Variants in DMD observed in about 807,000 individuals in gnomAD.
DMD encodes dystrophin.
In DMD, 63 loss-of-function variants were observed where a neutral mutation model predicts 330.1. The ratio of observed to expected loss-of-function variants is 0.19; its 90% CI spans 0.16 to 0.24. DMD has a LOEUF of 0.24. DMD is among the 10% of genes least tolerant of loss of function. The probability of loss-of-function intolerance (pLI) is 1.00; values close to 1 mark genes in which losing one functional copy is unlikely to be tolerated. For missense variants in DMD, 3,344 were observed against 2,684.1 expected (o/e 1.25, Z -5.43); for synonymous variants, 1,223 against 959.8 (o/e 1.27, Z -5.07).
intron 2 of DMD, among the ~76,000 whole-genome samples, chrX:32,875,949 A>T (rs1467707624): frequency 3.6e-5 from 4 of 111,308 alleles, no homozygotes; most frequent in Non-Finnish European, 7.5e-5. Context: ...CTTAAACTCC[A>T]TATTGATTAC....
intron 2 of DMD, among the ~76,000 whole-genome samples, chrX:32,878,103 C>A (rs543497179): frequency 8.9e-6 from 1 of 112,275 alleles, no homozygotes. Flanking sequence ...GGGCCGGGCG[C>A]GGTGGCTCAC....
chrX:33,234,420 T>C (rs778733015), intron 1 of DMD, among the ~76,000 whole-genome samples: 8 of 110,549 alleles, frequency 7.2e-5, no homozygotes, highest in Admixed American at 5.8e-4. Context: ...TGTGACACCT[T>C]GGAGAAGAAA....
At chrX:31,828,061 A>G (rs1461470451) in intron 49 of DMD, among the ~76,000 whole-genome samples, 1 of 112,043 alleles carries the variant, frequency 8.9e-6, no homozygotes, top group African/African-American at 3.2e-5. Context: ...GAAATAACAA[A>G]GATCAAAGCA....
At chrX:31,337,628 C>T (rs1035985951) in intron 61 of DMD, among the ~76,000 whole-genome samples, 1 of 112,007 alleles carries the variant, frequency 8.9e-6, no homozygotes, top group Non-Finnish European at 1.9e-5. Flanking sequence ...CAAAATGCTA[C>T]CCCAGGCCAA....
At chrX:33,146,075 C>T (rs182344241) in intron 1 of DMD, among the ~76,000 whole-genome samples, 8,169 of 109,547 alleles carry the variant, frequency 0.075, 314 homozygotes, top group South Asian at 0.21. Flanking sequence ...TATATATTTT[C>T]AGTAGAGACG....
chrX:31,723,271 C>T (rs2085720004), intron 52 of DMD, among the ~76,000 whole-genome samples: 1 of 88,682 alleles, frequency 1.1e-5, no homozygotes, highest in Non-Finnish European at 2.1e-5. Flanking sequence ...CCAAAAGTAA[C>T]ATCACTCCTG....
intron 2 of DMD, among the ~76,000 whole-genome samples, chrX:32,891,873 C>A (rs2085237859): frequency 9.0e-6 from 1 of 111,447 alleles, no homozygotes; most frequent in Non-Finnish European, 1.9e-5. Flanking sequence ...TCATTCTTCC[C>A]CAGCCTAATC....
rs748886274 is a variant in DMD at position 33,035,337 on chromosome X, G to A, written c.32-15137C>T. Among the ~76,000 whole-genome samples, 29 of 111,650 alleles carry A rather than the reference G, an allele frequency of 2.6e-4. No individual in the cohort carries two copies. The South Asian group carries it at 4.5e-3, about 17-fold the overall frequency. ...AATTATATACACTGCAGCTATGCCA[G>A]AGAAAGCCAGGGCTCCTTATCTGGC... On this transcript the variant is annotated intron_variant, in intron 1 of 78. Coordinates refer to ENST00000357033, the MANE Select transcript of DMD (RefSeq NM_004006.3).
At chrX:32,669,330 T>A (rs1011151057) in intron 9 of DMD, among the ~76,000 whole-genome samples, 5 of 111,655 alleles carry the variant, frequency 4.5e-5, no homozygotes, top group Non-Finnish European at 7.5e-5. Flanking sequence ...CCTCAATTCA[T>A]TTGCAGCACT....
rs192174545 is a variant in DMD, at chrX:32,852,394, A to G, written c.94-2574T>C. Among the ~76,000 whole-genome samples, 17 of 111,940 alleles carry G rather than the reference A, an allele frequency of 1.5e-4. No homozygotes were observed. In the East Asian group the frequency reaches 4.8e-3, roughly 32 times the overall value. On this transcript the variant is annotated intron_variant, in intron 2 of 78. Transcript: ENST00000357033. ...TCCTGAATAAGCAGCAGTAGTAGCCAGGCAGTATTCACCAAGTCTTGGGTA... is the reference window on the plus strand; with the variant it reads ...TCCTGAATAAGCAGCAGTAGTAGCCGGGCAGTATTCACCAAGTCTTGGGTA...
At position 31,209,622 on chromosome X, in the gene DMD, T is replaced by C. The variant is rs1602729172; in HGVS notation, c.9439A>G (p.Ile3147Val). ...NLKQNDQPMD[I>V]LQIINCLTTI... is the part of the protein sequence containing the mutation. The stretch of plus-strand genomic sequence containing the variant: ...GTCAAACAATTAATAATCTGCAGGA[T>C]ATCCATGGGCTGGTCATTTTGCTTG... The change falls in exon 65 of 79, where the codon ATC (isoleucine) becomes GTC (valine). Residue 3147 changes from isoleucine (I) to valine (V), a missense_variant. Physicochemically the swap from Ile to Val is conservative, Grantham distance 29 (BLOSUM62 3). Coordinates refer to ENST00000357033, the MANE Select transcript of DMD (RefSeq NM_004006.3). 2 of 1,211,700 alleles carry C rather than the reference T, an allele frequency of 1.7e-6. No individual in the cohort carries two copies. The highest frequency in any genetic ancestry group is 1.1e-6 in the Non-Finnish European group (1 of 895,433).
intron 51 of DMD, among the ~76,000 whole-genome samples, chrX:31,752,590 A>C (rs1206100106): frequency 9.0e-6 from 1 of 111,194 alleles, no homozygotes; most frequent in Admixed American, 9.6e-5. Context: ...ACATTAAAAA[A>C]ATAATAATAA....
At chrX:31,674,497 A>C (rs1380689227) in intron 53 of DMD, among the ~76,000 whole-genome samples, 1 of 112,250 alleles carries the variant, frequency 8.9e-6, no homozygotes, top group Admixed American at 9.4e-5. Flanking sequence ...TTATATAGCC[A>C]AATCAGCCAG....
intron 7 of DMD, among the ~76,000 whole-genome samples, chrX:32,785,995 TACA>T (rs923463976): frequency 2.5e-4 from 27 of 110,177 alleles, no homozygotes; most frequent in African/African-American, 8.6e-4. Flanking sequence ...GATTAACAAC[TACA>T]ACAATATCAT....
intron 1 of DMD, among the ~76,000 whole-genome samples, chrX:33,291,611 AATACTT>A (rs1161780090): frequency 2.7e-5 from 3 of 111,444 alleles, no homozygotes; most frequent in Non-Finnish European, 5.7e-5. Context: ...TAAAAAGAGA[AATACTT>A]ATAATTTTAT....
At chrX:33,303,240 T>G (rs1569559717) in intron 1 of DMD, among the ~76,000 whole-genome samples, 1 of 111,894 alleles carries the variant, frequency 8.9e-6, no homozygotes, top group East Asian at 2.8e-4. Flanking sequence ...CAGGGTTTTG[T>G]GTGGACATAA....
intron 61 of DMD, among the ~76,000 whole-genome samples, chrX:31,335,367 A>C (rs1042421126): frequency 4.4e-5 from 5 of 112,495 alleles, no homozygotes; most frequent in African/African-American, 1.6e-4. Flanking sequence ...TATTCATTCA[A>C]TCAAGGCATA....
intron 50 of DMD, among the ~76,000 whole-genome samples, chrX:31,784,492 A>G (rs189404534): frequency 3.9e-4 from 44 of 112,109 alleles, no homozygotes; most frequent in Admixed American, 1.4e-3. Context: ...TCAAAAAATA[A>G]AAATAGAATT....
chrX:31,404,753 G>C (rs774883321), intron 60 of DMD, among the ~76,000 whole-genome samples: 1 of 112,024 alleles, frequency 8.9e-6, no homozygotes, highest in African/African-American at 3.2e-5. Context: ...AGGAGGAAAG[G>C]AGGTATGGAT....
Sources: gnomAD v4.1 joint callset for allele counts (sites outside exome capture counted in the v4.1 genomes callset) on GRCh38, gnomAD v4.1.1 for gene constraint, MANE v1.5 for transcripts, NCBI Gene and HGNC (gene_info 2026-07-23, HGNC 2026-07-21) for gene names.